The following MTUS2 variants were observed in gnomAD, a reference collection of about 807,000 sequenced individuals.
The protein encoded by MTUS2 is microtubule-associated tumor suppressor candidate 2.
In MTUS2, 40 loss-of-function variants were observed where a neutral mutation model predicts 114.1. The ratio of observed to expected loss-of-function variants is 0.35; its 90% confidence interval spans 0.27 to 0.46. The LOEUF (loss-of-function observed/expected upper bound fraction) is 0.46. Among genes scored for constraint, MTUS2 ranks in the 20% least tolerant of loss-of-function variants. The pLI is 1.00. For synonymous variants in MTUS2, 688 were observed against 672.0 expected (o/e 1.02, Z -0.37); for missense variants, 1,679 against 1,705.4 (o/e 0.98, Z 0.27).
intron 12 of MTUS2, among the ~76,000 whole-genome samples, chr13:29,495,137 T>G (rs1163743816): frequency 7.6e-6 from 1 of 132,442 alleles, no homozygotes; most frequent in African/African-American, 3.0e-5. Context: ...TGAGCCGTGA[T>G]CGCGCCACTG....
At chr13:29,102,676 A>G (rs1408475702) in intron 5 of MTUS2, among the ~76,000 whole-genome samples, 1 of 152,218 alleles carries the variant, frequency 6.6e-6, no homozygotes, top group Non-Finnish European at 1.5e-5. Flanking sequence ...TCTGCTACCT[A>G]CTATATATGT....
At chr13:29,053,896 G>C (rs1460547929) in intron 4 of MTUS2, among the ~76,000 whole-genome samples, 1 of 152,122 alleles carries the variant, frequency 6.6e-6, no homozygotes, top group Non-Finnish European at 1.5e-5. Context: ...TCTTTCTGAG[G>C]GCATATGGTT....
chr13:28,883,200 A>G (rs1374225210), intron 2 of MTUS2, among the ~76,000 whole-genome samples: 1 of 152,204 alleles, frequency 6.6e-6, no homozygotes, highest in Admixed American at 6.5e-5. Context: ...GTATTTCTGG[A>G]GTAATGTAAA....
chr13:28,996,800 T>C (rs2138362556), intron 2 of MTUS2, among the ~76,000 whole-genome samples: 1 of 152,348 alleles, frequency 6.6e-6, no homozygotes, highest in African/African-American at 2.4e-5. Context: ...TTCTTCTTTA[T>C]TAGTCTTGCT....
intron 2 of MTUS2, among the ~76,000 whole-genome samples, chr13:28,910,526 C>G (rs1232439813): frequency 1.3e-5 from 2 of 152,106 alleles, no homozygotes; most frequent in African/African-American, 4.8e-5. Flanking sequence ...CTTTCTTTTC[C>G]TGATGCTCTT....
At chr13:29,049,227 A>C (rs1181570261) in intron 4 of MTUS2, among the ~76,000 whole-genome samples, 1 of 152,240 alleles carries the variant, frequency 6.6e-6, no homozygotes, top group African/African-American at 2.4e-5. Context: ...TCTGAAATCT[A>C]TTCACAAGGA....
rs1882610284 is a variant in MTUS2, at chr13:29,497,253, C to G, written c.3595C>G (p.Leu1199Val). 1.9e-6 allele frequency: 3 copies of G among 1,612,220 alleles called. No homozygotes were observed. Among genetic ancestry groups the G allele is most frequent in the Non-Finnish European group, 2.5e-6 (3 of 1,179,900 alleles). Residue 1199 changes from leucine to valine, a missense_variant, in exon 13 of 16, where the codon CTG becomes GTG. By Grantham distance (32) the Leu-to-Val change is conservative (BLOSUM62 1). Transcript: ENST00000612955. ...TTACTTGCAGGACCAGGTGGACACG[C>G]TGACCTTCCAGAGCCAGTCTCTGCG... ...RLSLQDQVDT[L>V]TFQSQSLRDR...
intron 9 of MTUS2, among the ~76,000 whole-genome samples, chr13:29,450,375 G>A (rs1057026632): frequency 6.6e-5 from 10 of 152,270 alleles, no homozygotes; most frequent in African/African-American, 1.2e-4. Context: ...TAGTCCTGTC[G>A]TATGTAAGTA....
chr13:28,999,339 G>A (rs1885275001), intron 2 of MTUS2, among the ~76,000 whole-genome samples: 1 of 152,286 alleles, frequency 6.6e-6, no homozygotes, highest in South Asian at 2.1e-4. Flanking sequence ...TGGGGGTCAG[G>A]GACCCACTTG....
chr13:28,977,588 A>G (rs1055956601), intron 2 of MTUS2, among the ~76,000 whole-genome samples: 1 of 152,210 alleles, frequency 6.6e-6, no homozygotes, highest in Non-Finnish European at 1.5e-5. Context: ...TGTAACACAC[A>G]TTTATAGGCT....
chr13:29,156,173 G>T (rs1317794779), intron 5 of MTUS2, among the ~76,000 whole-genome samples: 1 of 152,068 alleles, frequency 6.6e-6, no homozygotes, highest in Non-Finnish European at 1.5e-5. Context: ...TAATTGTGCA[G>T]TGAACAAATT....
intron 2 of MTUS2, among the ~76,000 whole-genome samples, chr13:28,881,092 T>G (rs1878260984): frequency 6.6e-6 from 1 of 152,204 alleles, no homozygotes; most frequent in Admixed American, 6.5e-5. Context: ...TAGTGGACAC[T>G]GTACCCAATA....
At chr13:28,870,712 C>T (rs7982466) in intron 2 of MTUS2, among the ~76,000 whole-genome samples, 9,863 of 152,158 alleles carry the variant, frequency 0.065, 1,045 homozygotes, top group African/African-American at 0.22. Context: ...AGTGGAAGAA[C>T]TGCAGAGCTA....
chr13:29,428,725 T>G (rs899071411), intron 8 of MTUS2: 5 of 1,551,696 alleles, frequency 3.2e-6, no homozygotes, highest in South Asian at 2.5e-5. Flanking sequence ...GGGAACCACA[T>G]GGAAGTTGTG....
intron 4 of MTUS2, among the ~76,000 whole-genome samples, chr13:29,061,901 T>A (rs1888437315): frequency 9.7e-6 from 1 of 102,842 alleles, no homozygotes. Context: ...ATAGTTTTTG[T>A]TGTAGCTGAA....
intron 7 of MTUS2, among the ~76,000 whole-genome samples, chr13:29,337,492 C>T (rs1252530100): frequency 6.6e-6 from 1 of 152,210 alleles, no homozygotes; most frequent in Non-Finnish European, 1.5e-5. Flanking sequence ...TCTAACCAGT[C>T]CCAATGAGAT....
intron 2 of MTUS2, among the ~76,000 whole-genome samples, chr13:28,914,283 T>C (rs1195273862): frequency 6.6e-6 from 1 of 152,182 alleles, no homozygotes; most frequent in African/African-American, 2.4e-5. Context: ...TCAGAGATTC[T>C]GGCATGTTGT....
At chr13:28,875,019 A>G (rs1436982013) in intron 2 of MTUS2, among the ~76,000 whole-genome samples, 2 of 152,220 alleles carry the variant, frequency 1.3e-5, no homozygotes, top group Non-Finnish European at 1.5e-5. Context: ...TCCCCTTTAG[A>G]AAAATGGTTT....
Position 29,176,771 on chromosome 13 carries a change from G to A in MTUS2, c.2644+75801G>A, listed in dbSNP as rs74660590. On this transcript the variant is annotated intron_variant, in intron 5 of 15. Transcript: ENST00000612955. The stretch of plus-strand genomic sequence containing the variant: ...TTAGGTTTCAACATATGAATTTGGG[G>A]GCACCCCAAAATTCAGACCATGATA... 4.6e-3 allele frequency among the ~76,000 whole-genome samples: 695 copies of A among 151,596 alleles called. 3 individuals carry two copies. Among genetic ancestry groups the A allele is most frequent in the Non-Finnish European group, 7.6e-3 (516 of 68,022 alleles).
Sources: allele counts gnomAD v4.1 joint callset (sites outside exome capture counted in the v4.1 genomes callset), GRCh38; gene constraint gnomAD v4.1.1; transcripts MANE v1.5; gene names NCBI Gene and HGNC (gene_info 2026-07-23, HGNC 2026-07-21).